Variants in CNTNAP2 observed in about 807,000 individuals in gnomAD.
The protein encoded by CNTNAP2 is contactin-associated protein-like 2.
CNTNAP2 carries 98 observed loss-of-function variants against 155.2 expected under a neutral mutation model. The ratio of observed to expected loss-of-function variants is 0.63; its 90% CI spans 0.54 to 0.75. CNTNAP2 has a LOEUF of 0.75. CNTNAP2 is among the 30% of genes least tolerant of loss of function. The pLI is 0.00. For synonymous variants in CNTNAP2, 651 were observed against 631.2 expected (o/e 1.03, Z -0.47); for missense variants, 1,727 against 1,688.1 (o/e 1.02, Z -0.40).
chr7:147,330,733 A>C (rs1017954095), intron 9 of CNTNAP2, among the ~76,000 whole-genome samples: 1 of 152,186 alleles, frequency 6.6e-6, no homozygotes, highest in Non-Finnish European at 1.5e-5. Flanking sequence ...GATCCTGTTC[A>C]TCATCCTTGG....
intron 21 of CNTNAP2, among the ~76,000 whole-genome samples, chr7:148,276,624 G>C (rs1796874061): frequency 6.6e-6 from 1 of 152,220 alleles, no homozygotes; most frequent in Non-Finnish European, 1.5e-5. Flanking sequence ...GGCACTGACA[G>C]CATCTGCCAT....
intron 12 of CNTNAP2, among the ~76,000 whole-genome samples, chr7:147,567,291 G>A (rs895654782): frequency 6.6e-6 from 1 of 152,186 alleles, no homozygotes; most frequent in African/African-American, 2.4e-5. Flanking sequence ...GAGAAATCAG[G>A]AGAAGGAAAA....
At chr7:147,132,181 TG>T (rs1371623163) in intron 7 of CNTNAP2, 63 bp from the exon 8 acceptor site, 1 of 1,594,352 alleles carries the variant, frequency 6.3e-7, no homozygotes, top group Non-Finnish European at 8.6e-7. Flanking sequence ...CTTTCATCAG[TG>T]GTCTGACATG....
intron 4 of CNTNAP2, among the ~76,000 whole-genome samples, chr7:147,046,535 G>C (rs1799359202): frequency 6.6e-6 from 1 of 152,030 alleles, no homozygotes; most frequent in African/African-American, 2.4e-5. Context: ...GTTGTTTCTA[G>C]ATGTTGGCTA....
chr7:146,841,884 A>AG (rs1803732283), intron 3 of CNTNAP2, among the ~76,000 whole-genome samples: 1 of 138,012 alleles, frequency 7.2e-6, no homozygotes, highest in East Asian at 2.1e-4. Context: ...CTTGTCTTGG[A>AG]GTCTTTTTTT....
chr7:146,869,756 A>C (rs1243603884), intron 3 of CNTNAP2, among the ~76,000 whole-genome samples: 10 of 152,158 alleles, frequency 6.6e-5, no homozygotes, highest in Non-Finnish European at 1.0e-4. Flanking sequence ...GATGAAGGCC[A>C]GAAGACTCAG....
chr7:146,522,940 A>G (rs1027891419), intron 1 of CNTNAP2, among the ~76,000 whole-genome samples: 2 of 151,844 alleles, frequency 1.3e-5, no homozygotes, highest in African/African-American at 4.8e-5. Flanking sequence ...CATCTCAAGG[A>G]AGAAATCATA....
intron 4 of CNTNAP2, among the ~76,000 whole-genome samples, chr7:147,046,862 T>C (rs1475275667): frequency 6.6e-6 from 1 of 151,742 alleles, no homozygotes; most frequent in Non-Finnish European, 1.5e-5. Flanking sequence ...ACCCCGTCTC[T>C]ACTAAAAATA....
chr7:147,331,225 TA>T (rs1563163737), intron 9 of CNTNAP2, among the ~76,000 whole-genome samples: 1 of 152,052 alleles, frequency 6.6e-6, no homozygotes, highest in East Asian at 1.9e-4. Context: ...TGTTCCCTGG[TA>T]AAAGCTAAAG....
intron 1 of CNTNAP2, among the ~76,000 whole-genome samples, chr7:146,498,363 A>G (rs1797250415): frequency 6.6e-6 from 1 of 152,088 alleles, no homozygotes; most frequent in African/African-American, 2.4e-5. Flanking sequence ...AGCCTGCCCT[A>G]ATTTATTTTT....
intron 9 of CNTNAP2, among the ~76,000 whole-genome samples, chr7:147,375,951 T>G (rs556010198): frequency 3.4e-4 from 52 of 152,044 alleles, no homozygotes; most frequent in Non-Finnish European, 6.5e-4. Flanking sequence ...GAAGAATTGA[T>G]GAAGGCTTCT....
intron 1 of CNTNAP2, among the ~76,000 whole-genome samples, chr7:146,127,423 G>A (rs1797652644): frequency 6.6e-6 from 1 of 152,138 alleles, no homozygotes. Context: ...TGATATTAAA[G>A]TGAGAAATTA....
chr7:148,129,153 A>G (rs140045811), intron 16 of CNTNAP2, among the ~76,000 whole-genome samples: 153 of 152,294 alleles, frequency 1.0e-3, no homozygotes, highest in African/African-American at 3.6e-3. Flanking sequence ...GCTGAAGTCC[A>G]GGACACAGGC....
chr7:147,559,200 T>A (rs2116781588), intron 11 of CNTNAP2, among the ~76,000 whole-genome samples: 1 of 152,234 alleles, frequency 6.6e-6, no homozygotes, highest in East Asian at 1.9e-4. Flanking sequence ...GACTGAGAAC[T>A]TTTGTAGATT....
At chr7:148,300,938 G>A (rs1797376245) in intron 21 of CNTNAP2, among the ~76,000 whole-genome samples, 1 of 152,098 alleles carries the variant, frequency 6.6e-6, no homozygotes, top group Admixed American at 6.5e-5. Flanking sequence ...TCCAGAGATG[G>A]GTGGTGGTGA....
intron 21 of CNTNAP2, among the ~76,000 whole-genome samples, chr7:148,352,604 C>G (rs1465284796): frequency 6.6e-6 from 1 of 152,186 alleles, no homozygotes; most frequent in Non-Finnish European, 1.5e-5. Context: ...CAAGCTAGAG[C>G]CCTGGGCAGG....
At chr7:146,537,910 A>G (rs1797894146) in intron 1 of CNTNAP2, among the ~76,000 whole-genome samples, 2 of 152,196 alleles carry the variant, frequency 1.3e-5, no homozygotes, top group African/African-American at 2.4e-5. Context: ...GTAAGTCTTT[A>G]TAAGAATTTT....
At chr7:147,956,997 C>T (rs958702355) in intron 14 of CNTNAP2, among the ~76,000 whole-genome samples, 1 of 152,120 alleles carries the variant, frequency 6.6e-6, no homozygotes, top group African/African-American at 2.4e-5. Context: ...TGTTTTTCTC[C>T]AAGTTTTACT....
chr7:147,463,345 G>C (rs1383923786), intron 10 of CNTNAP2, among the ~76,000 whole-genome samples: 1 of 152,050 alleles, frequency 6.6e-6, no homozygotes, highest in Non-Finnish European at 1.5e-5. Context: ...TTCTTTTTGG[G>C]CTTGAACATC....
Sources: gnomAD v4.1 joint callset for allele counts (sites outside exome capture counted in the v4.1 genomes callset) on GRCh38, gnomAD v4.1.1 for gene constraint, MANE v1.5 for transcripts, NCBI Gene and HGNC (gene_info 2026-07-23, HGNC 2026-07-21) for gene names.